Variants in ARL15 observed in about 807,000 individuals in gnomAD.
The protein encoded by ARL15 is ADP-ribosylation factor-like protein 15.
A neutral mutation model predicts 25.2 loss-of-function variants in ARL15; 19 were observed. That is an observed-to-expected ratio of 0.75 (90% confidence interval 0.53 to 1.10). The LOEUF is 1.10. Among genes scored for constraint, ARL15 ranks in the 50% least tolerant of loss-of-function variants. The pLI is 0.00. For synonymous variants in ARL15, 94 were observed against 86.8 expected, an observed-to-expected ratio of 1.08 and a Z score of -0.46; for missense variants, 220 against 246.0, an observed-to-expected ratio of 0.89 and a Z score of 0.71.
chr5:54,115,425 G>A (rs1752868460), intron 3 of ARL15, among the ~76,000 whole-genome samples: 1 of 152,096 alleles, frequency 6.6e-6, no homozygotes, highest in Non-Finnish European at 1.5e-5. Context: ...GGGACTAAAG[G>A]CACATACCAT....
intron 4 of ARL15, 44 bp downstream of exon 4, chr5:54,113,158 T>G (rs981361687): frequency 6.3e-7 from 1 of 1,593,456 alleles, no homozygotes; most frequent in African/African-American, 1.3e-5. Context: ...GCAGCAAAAG[T>G]ACAAGCAAGG....
At chr5:54,165,429 T>C (rs1254959118) in intron 2 of ARL15, among the ~76,000 whole-genome samples, 3 of 151,994 alleles carry the variant, frequency 2.0e-5, no homozygotes, top group African/African-American at 7.2e-5. Context: ...TCAGATTTTG[T>C]ATGTCTGAAA....
At chr5:54,010,310 T>C (rs60652351) in intron 4 of ARL15, among the ~76,000 whole-genome samples, 41,861 of 152,124 alleles carry the variant, frequency 0.28, 5,990 homozygotes, top group East Asian at 0.46. Flanking sequence ...GATTGATTTT[T>C]CAATAAATGA....
chr5:54,274,490 C>A (rs1203670253), intron 1 of ARL15, among the ~76,000 whole-genome samples: 1 of 152,156 alleles, frequency 6.6e-6, no homozygotes, highest in African/African-American at 2.4e-5. Context: ...ACATTTGTGG[C>A]TCTCAATAGG....
intron 1 of ARL15, among the ~76,000 whole-genome samples, chr5:54,186,979 T>C (rs911966854): frequency 6.6e-6 from 1 of 151,718 alleles, no homozygotes; most frequent in Non-Finnish European, 1.5e-5. Flanking sequence ...TAAAAAGGGA[T>C]GTCCTCATTT....
At chr5:54,164,667 T>C (rs533945490) in intron 2 of ARL15, among the ~76,000 whole-genome samples, 3 of 152,076 alleles carry the variant, frequency 2.0e-5, no homozygotes, top group Non-Finnish European at 4.4e-5. Flanking sequence ...AATATTAACA[T>C]AGCTACCCCA....
At chr5:54,128,937 C>T (rs1753351361) in intron 3 of ARL15, among the ~76,000 whole-genome samples, 1 of 152,090 alleles carries the variant, frequency 6.6e-6, no homozygotes, top group Admixed American at 6.5e-5. Flanking sequence ...GATTTCCCAA[C>T]CTCATGATCC....
Position 54,310,229 on chromosome 5 carries a change from T to C in ARL15, c.48+203A>G, listed in dbSNP as rs1417094961. On this transcript the variant is annotated intron_variant, in intron 1 of 4. Transcript: ENST00000504924. ...AGCCGTGCTGGCCCAGGCCGCACCT[T>C]TACCTGTCAGCTCCACCACCCACCC... is the stretch of plus-strand genomic sequence containing the variant. 3 of 574,536 alleles carry C rather than the reference T, an allele frequency of 5.2e-6. No homozygotes were observed. In the East Asian group the frequency reaches 8.8e-5, roughly 17 times the overall value. 35.6% of individuals were successfully genotyped at this position (574,536 alleles called of 1,614,324 possible). A position where few individuals can be genotyped will look rare whatever the true frequency, so the allele number is the denominator to read the frequency against.
chr5:54,057,668 C>T (rs1750922044), intron 4 of ARL15, among the ~76,000 whole-genome samples: 1 of 151,920 alleles, frequency 6.6e-6, no homozygotes, highest in African/African-American at 2.4e-5. Context: ...ATAGTGAGAC[C>T]TAGTCTCTAC....
intron 3 of ARL15, among the ~76,000 whole-genome samples, chr5:54,131,447 C>T (rs1176670679): frequency 6.6e-6 from 1 of 152,124 alleles, no homozygotes. Context: ...ATAATCGATT[C>T]CTAAGCCTGC....
intron 4 of ARL15, among the ~76,000 whole-genome samples, chr5:54,014,942 C>T (rs978409493): frequency 6.6e-6 from 1 of 152,020 alleles, no homozygotes; most frequent in Non-Finnish European, 1.5e-5. Context: ...ATCAGTGAAC[C>T]TTCCAAGGGT....
At chr5:53,893,283 C>T (rs113207397) in intron 4 of ARL15, among the ~76,000 whole-genome samples, 1 of 151,996 alleles carries the variant, frequency 6.6e-6, no homozygotes, top group Non-Finnish European at 1.5e-5. Flanking sequence ...CCTGCGAGTA[C>T]AACAAATCAG....
intron 4 of ARL15, among the ~76,000 whole-genome samples, chr5:54,003,706 AT>A (rs1748926572): frequency 1.5e-5 from 2 of 130,544 alleles, no homozygotes; most frequent in Admixed American, 7.9e-5. Context: ...CTATCTATCT[AT>A]CTATCTATCT....
chr5:53,908,366 A>C (rs182932694), intron 4 of ARL15, among the ~76,000 whole-genome samples: 27 of 152,310 alleles, frequency 1.8e-4, no homozygotes, highest in Admixed American at 1.6e-3. Flanking sequence ...ACATGTAATG[A>C]ACTTTTTTTC....
rs573131428 is a variant in ARL15 at position 54,136,790 on chromosome 5, C to T, written c.253+17790G>A. Among the ~76,000 whole-genome samples the T allele has an allele frequency of 1.1e-3, 160 of 152,092 alleles. 1 individual carries two copies. Among genetic ancestry groups the T allele is most frequent in the Middle Eastern group, 3.4e-3 (1 of 292 alleles). Reference sequence around the variant, plus strand: ...TGAGAGTTTTGCTGTTTATATCTATCCCAGCATACAAATCCATAGTACTGC... The same window carrying T: ...TGAGAGTTTTGCTGTTTATATCTATTCCAGCATACAAATCCATAGTACTGC... On this transcript the variant is annotated intron_variant, in intron 3 of 4. Coordinates refer to ENST00000504924, the MANE Select transcript of ARL15 (RefSeq NM_019087.3).
At chr5:54,070,542 T>C (rs557961191) in intron 4 of ARL15, among the ~76,000 whole-genome samples, 4 of 152,126 alleles carry the variant, frequency 2.6e-5, no homozygotes, top group East Asian at 3.9e-4. Flanking sequence ...TCCAGGACTA[T>C]AAGAAATACA....
chr5:54,098,706 C>T (rs1160620565), intron 4 of ARL15, among the ~76,000 whole-genome samples: 1 of 152,080 alleles, frequency 6.6e-6, no homozygotes, highest in Admixed American at 6.6e-5. Context: ...CCTCTTCTGC[C>T]CTGTTTTCAT....
chr5:54,138,076 C>T (rs1378081848), intron 3 of ARL15, among the ~76,000 whole-genome samples: 1 of 152,156 alleles, frequency 6.6e-6, no homozygotes, highest in Non-Finnish European at 1.5e-5. Context: ...TATAAAACCA[C>T]TAATTCTTTT....
At chr5:54,153,520 A>G (rs1258863563) in intron 3 of ARL15, among the ~76,000 whole-genome samples, 2 of 152,204 alleles carry the variant, frequency 1.3e-5, no homozygotes, top group East Asian at 1.9e-4. Context: ...AAGAACATTC[A>G]TGTTTTATAA....
Sources: gnomAD v4.1 joint callset for allele counts (sites outside exome capture counted in the v4.1 genomes callset) on GRCh38, gnomAD v4.1.1 for gene constraint, MANE v1.5 for transcripts, NCBI Gene and HGNC (gene_info 2026-07-23, HGNC 2026-07-21) for gene names.